The following CNTN5 variants were observed in gnomAD, a reference collection of about 807,000 sequenced individuals.
CNTN5 encodes contactin-5.
A neutral mutation model predicts 129.1 loss-of-function variants in CNTN5; 77 were observed. The ratio of observed to expected loss-of-function variants is 0.60; its 90% CI spans 0.50 to 0.72. CNTN5 has a LOEUF of 0.72. Ranked by LOEUF, CNTN5 falls within the 30% of genes least tolerant of loss-of-function variation. The pLI is 0.00. For synonymous variants in CNTN5, 509 were observed against 465.6 expected (o/e 1.09, Z -1.20); for missense variants, 1,478 against 1,328.8 (o/e 1.11, Z -1.75).
chr11:99,152,946 CT>C (rs1860141612), intron 1 of CNTN5, among the ~76,000 whole-genome samples: 1 of 152,136 alleles, frequency 6.6e-6, no homozygotes. Context: ...AATCTCTTTT[CT>C]TTATAAATGC....
At chr11:99,670,855 A>AGT (rs1371255215) in intron 3 of CNTN5, among the ~76,000 whole-genome samples, 1 of 152,148 alleles carries the variant, frequency 6.6e-6, no homozygotes, top group Non-Finnish European at 1.5e-5. Flanking sequence ...TCGTCTCTGA[A>AGT]GTGGTAATTA....
At chr11:99,881,939 T>C (rs1948782453) in intron 6 of CNTN5, among the ~76,000 whole-genome samples, 1 of 152,198 alleles carries the variant, frequency 6.6e-6, no homozygotes, top group Non-Finnish European at 1.5e-5. Context: ...GCTATTACTG[T>C]TGATCAAATA....
At chr11:99,845,869 AAAAAT>A (rs1947676802) in intron 6 of CNTN5, among the ~76,000 whole-genome samples, 1 of 152,242 alleles carries the variant, frequency 6.6e-6, no homozygotes, top group Non-Finnish European at 1.5e-5. Context: ...TATGAGAAAA[AAAAAT>A]GATAATCCAA....
intron 3 of CNTN5, among the ~76,000 whole-genome samples, chr11:99,701,516 G>A (rs914173054): frequency 1.3e-5 from 2 of 150,800 alleles, no homozygotes; most frequent in African/African-American, 4.9e-5. Context: ...TATATTTAAT[G>A]GAACAAAATA....
rs141636384 is a variant in CNTN5 at position 99,500,259 on chromosome 11, C to T, written c.-70-55886C>T. ...AAAATCCTGAGAGTTTGTTTATATG[C>T]AGTGATAGTAACTCAAAGCATTTGA... On this transcript the variant is annotated intron_variant, in intron 2 of 24. Transcript: ENST00000524871. 1.0e-3 allele frequency among the ~76,000 whole-genome samples: 153 copies of T among 152,248 alleles called. 1 individual carries two copies. Among genetic ancestry groups the T allele is most frequent in the African/African-American group, 3.5e-3 (145 of 41,554 alleles).
chr11:100,040,052 T>G (rs2137669430), intron 9 of CNTN5, among the ~76,000 whole-genome samples: 1 of 152,332 alleles, frequency 6.6e-6, no homozygotes, highest in South Asian at 2.1e-4. Flanking sequence ...ACTCTGATTT[T>G]TAGAGTTTCT....
chr11:99,450,616 A>T (rs190361150), intron 2 of CNTN5, among the ~76,000 whole-genome samples: 4 of 152,270 alleles, frequency 2.6e-5, no homozygotes, highest in Non-Finnish European at 5.9e-5. Flanking sequence ...TTAGAATTCA[A>T]ACCCTGCCTA....
intron 6 of CNTN5, among the ~76,000 whole-genome samples, chr11:99,909,687 C>T (rs11221868): frequency 0.13 from 20,036 of 151,984 alleles, 1,704 homozygotes; most frequent in Non-Finnish European, 0.19. Context: ...TGGAAGCCAT[C>T]ATTCTCAGCA....
At chr11:100,210,442 G>A (rs1386466637) in intron 15 of CNTN5, among the ~76,000 whole-genome samples, 1 of 151,946 alleles carries the variant, frequency 6.6e-6, no homozygotes, top group East Asian at 1.9e-4. Flanking sequence ...GATTATATGG[G>A]TGGCTTTGAG....
At chr11:99,162,868 C>G (rs1860682679) in intron 1 of CNTN5, among the ~76,000 whole-genome samples, 1 of 152,122 alleles carries the variant, frequency 6.6e-6, no homozygotes, top group South Asian at 2.1e-4. Flanking sequence ...AATCATGATT[C>G]TACAAGAAAG....
At chr11:100,269,400 G>C (rs572334778) in intron 17 of CNTN5, among the ~76,000 whole-genome samples, 1 of 152,268 alleles carries the variant, frequency 6.6e-6, no homozygotes, top group South Asian at 2.1e-4. Flanking sequence ...GAAACTGAGC[G>C]AAGGCTGGAA....
chr11:100,288,566 C>T (rs1188368320), intron 18 of CNTN5, among the ~76,000 whole-genome samples: 1 of 151,954 alleles, frequency 6.6e-6, no homozygotes, highest in Non-Finnish European at 1.5e-5. Flanking sequence ...CCAACGAGAA[C>T]AAAGACACAA....
intron 2 of CNTN5, among the ~76,000 whole-genome samples, chr11:99,399,568 C>A (rs544358337): frequency 6.6e-6 from 1 of 150,864 alleles, no homozygotes; most frequent in African/African-American, 2.4e-5. Flanking sequence ...CATTCTAATT[C>A]TTTGTAGTTA....
chr11:100,144,925 G>A (rs558976887), intron 13 of CNTN5, among the ~76,000 whole-genome samples: 21 of 140,886 alleles, frequency 1.5e-4, no homozygotes, highest in Admixed American at 8.7e-4. Context: ...ATCTGTCTCC[G>A]AGATTGATGC....
intron 1 of CNTN5, among the ~76,000 whole-genome samples, chr11:99,173,174 T>C (rs1857614282): frequency 6.6e-6 from 1 of 152,156 alleles, no homozygotes; most frequent in Admixed American, 6.5e-5. Flanking sequence ...ATGTGGGAAT[T>C]ATGGGAGTCA....
chr11:99,141,548 T>C (rs1859516341), intron 1 of CNTN5, among the ~76,000 whole-genome samples: 1 of 152,182 alleles, frequency 6.6e-6, no homozygotes, highest in South Asian at 2.1e-4. Context: ...TCTTGACTTC[T>C]GTCTTTGGTG....
At chr11:99,763,841 A>T (rs1168173556) in intron 3 of CNTN5, among the ~76,000 whole-genome samples, 1 of 151,992 alleles carries the variant, frequency 6.6e-6, no homozygotes, top group African/African-American at 2.4e-5. Flanking sequence ...TCTCAAGCAT[A>T]ACCATATATT....
At chr11:99,181,661 G>A (rs1858077128) in intron 1 of CNTN5, among the ~76,000 whole-genome samples, 1 of 152,130 alleles carries the variant, frequency 6.6e-6, no homozygotes, top group African/African-American at 2.4e-5. Context: ...AAATGGAGGG[G>A]AGGATGCATT....
intron 6 of CNTN5, among the ~76,000 whole-genome samples, chr11:99,881,127 G>C (rs1948760466): frequency 6.6e-6 from 1 of 152,140 alleles, no homozygotes; most frequent in African/African-American, 2.4e-5. Context: ...ATTAATAGAG[G>C]TATGTTTCTG....
Sources: gnomAD v4.1 joint callset for allele counts (sites outside exome capture counted in the v4.1 genomes callset) on GRCh38, gnomAD v4.1.1 for gene constraint, MANE v1.5 for transcripts, NCBI Gene and HGNC (gene_info 2026-07-23, HGNC 2026-07-21) for gene names.